Variants in TOGARAM2 observed in about 807,000 individuals in gnomAD.
The protein encoded by TOGARAM2 is TOG array regulator of axonemal microtubules 2.
In TOGARAM2, 85 loss-of-function variants were observed where a neutral mutation model predicts 93.3. The observed-to-expected ratio is 0.91, with a 90% CI of 0.76 to 1.09. The LOEUF (loss-of-function observed/expected upper bound fraction) is 1.09. TOGARAM2 is among the 50% of genes least tolerant of loss of function. The pLI is 0.00. For synonymous variants in TOGARAM2, 593 were observed against 552.8 expected, an observed-to-expected ratio of 1.07 and a Z score of -1.02; for missense variants, 1,277 against 1,334.5, an observed-to-expected ratio of 0.96 and a Z score of 0.67.
intron 6 of TOGARAM2, among the ~76,000 whole-genome samples, chr2:29,006,010 G>A (rs546167008): frequency 1.2e-3 from 183 of 149,218 alleles, no homozygotes; most frequent in African/African-American, 4.3e-3. Flanking sequence ...GTATGTGTGC[G>A]TGTGTGTGTG....
upstream of TOGARAM2, among the ~76,000 whole-genome samples, chr2:28,979,929 C>A (rs1191294660): frequency 2.6e-5 from 4 of 152,222 alleles, no homozygotes; most frequent in Non-Finnish European, 5.9e-5. Flanking sequence ...ACACCAAAAC[C>A]TGCCTTGTCA....
In TOGARAM2 at chr2:29,011,478, G is replaced by C. The variant is rs753206200; in HGVS notation, c.854G>C (p.Arg285Pro). ...RTRLARGSGPREKTPASLEPK... is the reference protein window; with the variant it reads ...RTRLARGSGPPEKTPASLEPK... ...AGATTGGCTCGGGGGAGTGGGCCTC[G>C]GGAGAAGACCCCTGCATCTCTGGGT... Residue 285 changes from arginine (R) to proline (P), a missense_variant, in exon 7 of 20, where the codon CGG (arginine) becomes CCG (proline). Arg to Pro is a moderately radical substitution (Grantham distance 103). Coordinates refer to ENST00000379558, the MANE Select transcript of TOGARAM2 (RefSeq NM_199280.4). 6.2e-7 allele frequency: 1 copy of C among 1,607,106 alleles called. No individual in the cohort carries two copies.
rs769447595 is a variant in TOGARAM2, at chr2:29,051,950, G to A, written c.2917G>A (p.Ala973Thr). The A allele has an allele frequency of 4.8e-5, 77 of 1,608,366 alleles. No individual in the cohort carries two copies. The Middle Eastern group carries it at 8.2e-4, about 17-fold the overall frequency. The stretch of plus-strand genomic sequence containing the variant: ...GGGCTCCCGCCTGCTGGACTTTGCC[G>A]CCAGCCAGCCAAAGCACGTCCTCAA... The part of the protein sequence containing the change: ...HMGSRLLDFA[A>T]SQPKHVLKTL... The change falls in exon 20 of 20, where the codon GCC becomes ACC. Residue 973 changes from alanine (A) to threonine (T), a missense_variant. Coordinates refer to ENST00000379558, the MANE Select transcript of TOGARAM2 (RefSeq NM_199280.4).
chr2:29,038,465 GGTTTTTGTTTTT>G (rs541207550), intron 18 of TOGARAM2, among the ~76,000 whole-genome samples: 32 of 152,170 alleles, frequency 2.1e-4, no homozygotes, highest in African/African-American at 5.1e-4. Context: ...AAAATATACT[GGTTTTTGTTTTT>G]GTTTTTGTTT....
In TOGARAM2 at chr2:28,985,970, G is replaced by C. The variant is rs769257162; in HGVS notation, c.-111+4432G>C. ...AATACACACAAAAAAATAACTAGCT[G>C]GGCATGGTGGCACATGCCTGTAATC... On this transcript the variant is annotated intron_variant, in intron 1 of 19. Transcript: ENST00000379558. Among the ~76,000 whole-genome samples the C allele has an allele frequency of 2.0e-5, 3 of 152,226 alleles. No individual in the cohort carries two copies. In the South Asian group the frequency reaches 6.2e-4, roughly 32 times the overall value.
intron 1 of TOGARAM2, among the ~76,000 whole-genome samples, chr2:28,989,603 G>A (rs1404536492): frequency 4.0e-5 from 6 of 151,784 alleles, no homozygotes; most frequent in Non-Finnish European, 8.8e-5. Context: ...TTACTGTGTT[G>A]CCCAGTACTG....
At chr2:29,035,797 A>G in intron 17 of TOGARAM2, 141 bp downstream of exon 17, 1 of 839,942 alleles carries the variant, frequency 1.2e-6, no homozygotes, top group Non-Finnish European at 1.7e-6. Flanking sequence ...GACTACCTGG[A>G]AGTGGCTGAG....
At chr2:28,963,194 C>T (rs1333109712) in intron 1 of TOGARAM2, among the ~76,000 whole-genome samples, 1 of 152,054 alleles carries the variant, frequency 6.6e-6, no homozygotes, top group Non-Finnish European at 1.5e-5. Context: ...TCTCCTTTGA[C>T]TCCTGGATTA....
At chr2:29,002,351 G>A (rs952231815) in intron 4 of TOGARAM2, among the ~76,000 whole-genome samples, 185 bp from the exon 5 acceptor site, 25 of 152,164 alleles carry the variant, frequency 1.6e-4, no homozygotes, top group African/African-American at 6.0e-4. Context: ...TTCTGGAATG[G>A]CACAGACACT....
intron 14 of TOGARAM2, among the ~76,000 whole-genome samples, chr2:29,030,338 T>C (rs1665691478): frequency 6.6e-6 from 1 of 152,142 alleles, no homozygotes; most frequent in South Asian, 2.1e-4. Context: ...GCAAATACTT[T>C]GAAGAGTGAG....
chr2:29,034,973 A>G (rs1665993511), intron 16 of TOGARAM2, among the ~76,000 whole-genome samples: 1 of 152,014 alleles, frequency 6.6e-6, no homozygotes, highest in African/African-American at 2.4e-5. Context: ...AACATACTGA[A>G]ACCCTGTCTC....
intron 13 of TOGARAM2, among the ~76,000 whole-genome samples, chr2:29,026,090 C>G (rs1288899192): frequency 1.3e-5 from 2 of 152,276 alleles, no homozygotes; most frequent in South Asian, 2.1e-4. Context: ...AGCTCTAGTC[C>G]CATCCCTTCC....
At chr2:29,028,985 G>A (rs938846790) in intron 14 of TOGARAM2, among the ~76,000 whole-genome samples, 8 of 152,194 alleles carry the variant, frequency 5.3e-5, no homozygotes, top group African/African-American at 1.2e-4. Context: ...TGTGGTGAAA[G>A]GGAACACTTC....
At position 29,035,509 on chromosome 2, in the gene TOGARAM2, G is replaced by A. The variant is rs1384917062; in HGVS notation, c.2271G>A (p.Leu757=). ...GGCTGGTGGGGCTGCGCTCCACACTGCAGGGCCGCGGGGAGATGGTGGAGC... is the reference window on the plus strand; with the variant it reads ...GGCTGGTGGGGCTGCGCTCCACACTACAGGGCCGCGGGGAGATGGTGGAGC... ...GPRLVGLRST[L]QGRGEMVEQL... Residue 757 remains leucine (L), a synonymous_variant, in exon 17 of 20, where the codon CTG becomes CTA. Transcript: ENST00000379558. 6.5e-7 allele frequency: 1 copy of A among 1,541,268 alleles called. No homozygotes were observed. Among genetic ancestry groups the A allele is most frequent in the African/African-American group, 1.4e-5 (1 of 73,500 alleles).
intron 1 of TOGARAM2, among the ~76,000 whole-genome samples, chr2:28,959,118 C>T (rs1305313485): frequency 1.3e-5 from 2 of 152,148 alleles, no homozygotes; most frequent in East Asian, 1.9e-4. Context: ...TGGCTGTACC[C>T]TCCCTGGACC....
chr2:28,998,271 C>T lies in TOGARAM2; in HGVS notation c.139+18C>T, dbSNP rs1298751432. On this transcript the variant is annotated intron_variant, in intron 3 of 19. Transcript: ENST00000379558. ...TGGAGAAGGTGAGATGGGAAGACCT[C>T]ACCTGGTCAGGGCCCCTGGCCTCAT... 1.3e-6 allele frequency: 2 copies of T among 1,583,372 alleles called. No homozygotes were observed. Among genetic ancestry groups the T allele is most frequent in the South Asian group, 2.3e-5 (2 of 87,522 alleles).
At chr2:28,961,038 T>A (rs969750902) in intron 1 of TOGARAM2, among the ~76,000 whole-genome samples, 3 of 152,088 alleles carry the variant, frequency 2.0e-5, no homozygotes, top group African/African-American at 7.2e-5. Context: ...TTGAGTATGA[T>A]GTTTAGTATA....
chr2:29,023,010 G>A (rs1665063296), intron 11 of TOGARAM2, 76 bp from the exon 12 acceptor site: 1 of 1,335,712 alleles, frequency 7.5e-7, no homozygotes, highest in African/African-American at 1.5e-5. Context: ...TGTGTGATGT[G>A]GGGCCCCTAG....
intron 1 of TOGARAM2, among the ~76,000 whole-genome samples, chr2:28,972,846 G>A (rs1198741012): frequency 6.6e-6 from 1 of 152,184 alleles, no homozygotes; most frequent in African/African-American, 2.4e-5. Flanking sequence ...TGCTTCCTAT[G>A]AAACATCCTG....
Sources: allele counts gnomAD v4.1 joint callset (sites outside exome capture counted in the v4.1 genomes callset), GRCh38; gene constraint gnomAD v4.1.1; transcripts MANE v1.5; gene names NCBI Gene and HGNC (gene_info 2026-07-23, HGNC 2026-07-21).